SESN1: variants seen among roughly 807,000 people sequenced by gnomAD.
SESN1 encodes sestrin 1.
SESN1 carries 30 observed loss-of-function variants against 59.3 expected under a neutral mutation model. The observed-to-expected ratio is 0.51, with a 90% CI of 0.38 to 0.69. The LOEUF is 0.69. Ranked by LOEUF, SESN1 falls within the 30% of genes least tolerant of loss-of-function variation. The pLI is 0.00. For synonymous variants in SESN1, 197 were observed against 219.9 expected, an observed-to-expected ratio of 0.90 and a Z score of 0.92; for missense variants, 566 against 673.0, an observed-to-expected ratio of 0.84 and a Z score of 1.76.
chr6:109,050,535 G>C (rs998591584), intron 1 of SESN1, among the ~76,000 whole-genome samples: 18 of 152,134 alleles, frequency 1.2e-4, no homozygotes, highest in African/African-American at 4.3e-4. Flanking sequence ...AGTTGGACTG[G>C]TCTGAAAGAC....
chr6:109,073,150 C>G (rs1329411429), intron 1 of SESN1, among the ~76,000 whole-genome samples: 2 of 152,058 alleles, frequency 1.3e-5, no homozygotes, highest in African/African-American at 4.8e-5. Context: ...TAGATAACCT[C>G]TTTGTGTCTC....
At chr6:109,060,660 C>T (rs1290751417) in intron 1 of SESN1, among the ~76,000 whole-genome samples, 1 of 152,174 alleles carries the variant, frequency 6.6e-6, no homozygotes, top group African/African-American at 2.4e-5. Flanking sequence ...ATTAGTGCAG[C>T]ATCTGTAGGA....
intron 4 of SESN1, 142 bp from the exon 5 acceptor site, chr6:108,998,897 C>A: frequency 1.1e-6 from 1 of 942,984 alleles, no homozygotes; most frequent in East Asian, 2.8e-5. Context: ...CATGTAGAAC[C>A]CAGAATTTGC....
intron 1 of SESN1, among the ~76,000 whole-genome samples, chr6:109,022,800 CAGAG>C (rs1440850782): frequency 6.6e-6 from 1 of 152,092 alleles, no homozygotes; most frequent in African/African-American, 2.4e-5. Context: ...ATGGGAAACT[CAGAG>C]AGGTTAAGTA....
chr6:109,045,184 T>C (rs1417447554), intron 1 of SESN1, among the ~76,000 whole-genome samples: 2 of 152,130 alleles, frequency 1.3e-5, no homozygotes, highest in African/African-American at 4.8e-5. Context: ...ACACCCTTAC[T>C]AACCTCTTGT....
intron 1 of SESN1, among the ~76,000 whole-genome samples, chr6:109,087,849 A>G (rs757606894): frequency 7.9e-5 from 12 of 151,860 alleles, no homozygotes; most frequent in Non-Finnish European, 1.3e-4. Flanking sequence ...CAAGTGATAT[A>G]TTATCTAGTT....
chr6:109,091,472 C>T (rs757923050), intron 1 of SESN1, among the ~76,000 whole-genome samples: 7 of 152,198 alleles, frequency 4.6e-5, no homozygotes. Flanking sequence ...ATTCACGCCA[C>T]CCTCAAACTG....
intron 1 of SESN1, among the ~76,000 whole-genome samples, chr6:109,046,616 G>C (rs968609186): frequency 2.8e-5 from 4 of 141,274 alleles, no homozygotes; most frequent in Admixed American, 2.8e-4. Flanking sequence ...GCGCCCGGCC[G>C]CCATCCCATC....
intron 1 of SESN1, among the ~76,000 whole-genome samples, chr6:109,083,978 A>C (rs2114477904): frequency 6.6e-6 from 1 of 152,358 alleles, no homozygotes; most frequent in South Asian, 2.1e-4. Context: ...CAGAGGTATC[A>C]AAACAGTAAA....
Position 109,080,668 on chromosome 6 carries a change from G to C in SESN1, c.279+13127C>G, listed in dbSNP as rs895467137. The stretch of plus-strand genomic sequence containing the variant: ...GAAAGTAATATATTTTTACTGTTAG[G>C]AATCTTAACGTTAAATTTTTATTCA... On this transcript the variant is annotated intron_variant, in intron 1 of 9. Transcript: ENST00000436639. Among the ~76,000 whole-genome samples, 8 of 152,168 alleles carry C rather than the reference G, an allele frequency of 5.3e-5. No individual in the cohort carries two copies. In the South Asian group the frequency reaches 1.7e-3, roughly 31 times the overall value.
chr6:108,987,402 A>G lies in SESN1; in HGVS notation c.*142T>C, dbSNP rs980391807. 1.3e-5 allele frequency: 7 copies of G among 538,542 alleles called. No individual in the cohort carries two copies. The Admixed American group carries it at 2.0e-4, about 16-fold the overall frequency. The allele number at this position is 538,542 out of a possible 1,614,324, so 33.4% of individuals were successfully genotyped here. On this transcript the variant is annotated 3_prime_UTR_variant, in exon 10 of 10. Coordinates refer to ENST00000436639, the MANE Select transcript of SESN1 (RefSeq NM_014454.3). ...TGTGCCAGCAGTGGTTTTCCACAGA[A>G]AAATAGCAGAAACTAAAGGAATCAT...
rs71015570 is a variant in SESN1 at position 109,044,311 on chromosome 6, CAAAAAAAAAAAAAAAAAAAA to C, written c.280-41988_280-41969del. ...TAGATGACACAGTGAGAACTTGCCT[CAAAAAAAAAAAAAAAAAAAA>C]AAAAAAAAAAAAAAAAAAGGAGTAC... On this transcript the variant is annotated intron_variant, in intron 1 of 9. Coordinates refer to ENST00000436639, the MANE Select transcript of SESN1 (RefSeq NM_014454.3). 8.8e-3 allele frequency among the ~76,000 whole-genome samples: 251 copies of C among 28,454 alleles called. 3 individuals are homozygous for C. Among genetic ancestry groups the C allele is most frequent in the African/African-American group, 0.048 (237 of 4,940 alleles). 18.7% of individuals were successfully genotyped at this position (28,454 alleles called of 152,430 possible). A position where few individuals can be genotyped will look rare whatever the true frequency, so the allele number is the denominator to read the frequency against.
chr6:109,058,250 A>G (rs1369055492), intron 1 of SESN1, among the ~76,000 whole-genome samples: 3 of 152,034 alleles, frequency 2.0e-5, no homozygotes, highest in African/African-American at 7.2e-5. Flanking sequence ...ACACAGGACT[A>G]ATTTTTGTAT....
At chr6:109,090,953 T>C (rs1406453114) in intron 1 of SESN1, among the ~76,000 whole-genome samples, 1 of 152,060 alleles carries the variant, frequency 6.6e-6, no homozygotes, top group Non-Finnish European at 1.5e-5. Context: ...TTTCTTGACT[T>C]TTTGTAGAGA....
chr6:109,046,637 G>A lies in SESN1; in HGVS notation c.280-44294C>T, dbSNP rs974514075. Reference sequence around the variant, plus strand: ...GGCCGCCATCCCATCTAGGAAGTGAGGAGCGCCTCTTCCCAGCCGCCATCA... The same window carrying A: ...GGCCGCCATCCCATCTAGGAAGTGAAGAGCGCCTCTTCCCAGCCGCCATCA... On this transcript the variant is annotated intron_variant, in intron 1 of 9. Coordinates refer to ENST00000436639, the MANE Select transcript of SESN1 (RefSeq NM_014454.3). Among the ~76,000 whole-genome samples the A allele has an allele frequency of 5.7e-5, 8 of 140,220 alleles. 1 individual carries two copies. The highest frequency in any genetic ancestry group is 9.5e-5 in the Non-Finnish European group (6 of 63,126). The allele number at this position is 140,220 out of a possible 152,430, so 92.0% of individuals were successfully genotyped here.
At chr6:109,047,675 T>C (rs1251227087) in intron 1 of SESN1, among the ~76,000 whole-genome samples, 4 of 146,614 alleles carry the variant, frequency 2.7e-5, no homozygotes, top group Admixed American at 2.7e-4. Flanking sequence ...GGGGAAAAGA[T>C]TGAGAAATCG....
intron 1 of SESN1, among the ~76,000 whole-genome samples, chr6:109,086,705 G>A (rs1426637758): frequency 2.0e-5 from 3 of 152,190 alleles, no homozygotes; most frequent in Non-Finnish European, 4.4e-5. Flanking sequence ...AATTTACTAT[G>A]CAAGTGTTTA....
Position 109,094,289 on chromosome 6 carries a change from C to G in SESN1, c.-216G>C, listed in dbSNP as rs1019816215. The G allele has an allele frequency of 1.4e-5, 8 of 555,636 alleles. No individual in the cohort carries two copies. Among genetic ancestry groups the G allele is most frequent in the African/African-American group, 1.9e-5 (1 of 52,510 alleles). 34.4% of individuals were successfully genotyped at this position (555,636 alleles called of 1,614,324 possible). A position where few individuals can be genotyped will look rare whatever the true frequency, so the allele number is the denominator to read the frequency against. ...CTCTCCTTGTACACGAAAGGGCAGT[C>G]TTCTTTCTGGAAAAACAAAGTTTGA... On this transcript the variant is annotated 5_prime_UTR_variant, in exon 1 of 10. Coordinates refer to ENST00000436639, the MANE Select transcript of SESN1 (RefSeq NM_014454.3).
chr6:109,007,449 A>G (rs1384493096), intron 1 of SESN1, among the ~76,000 whole-genome samples: 1 of 152,200 alleles, frequency 6.6e-6, no homozygotes, highest in Non-Finnish European at 1.5e-5. Context: ...AATTTGAATC[A>G]TTTTGTTTTC....
Sources: allele counts gnomAD v4.1 joint callset (sites outside exome capture counted in the v4.1 genomes callset), GRCh38; gene constraint gnomAD v4.1.1; transcripts MANE v1.5; gene names NCBI Gene and HGNC (gene_info 2026-07-23, HGNC 2026-07-21).